Variants in KLC2 observed in about 807,000 individuals in gnomAD.
KLC2 encodes the protein kinesin light chain 2, also known as KLC 2.
A neutral mutation model predicts 75.1 loss-of-function variants in KLC2; 35 were observed. The observed-to-expected ratio is 0.47, with a 90% confidence interval of 0.36 to 0.62. The LOEUF is 0.62. Ranked by LOEUF, KLC2 falls within the 20% of genes least tolerant of loss-of-function variation. The pLI, the probability that KLC2 is intolerant of heterozygous loss-of-function variation, is 0.00. For missense variants in KLC2, 611 were observed against 833.2 expected (o/e 0.73, Z 3.28); for synonymous variants, 314 against 336.7 (o/e 0.93, Z 0.74).
intron 2 of KLC2, chr11:66,261,404 G>A (rs1209676021): frequency 8.7e-6 from 2 of 228,994 alleles, no homozygotes; most frequent in Non-Finnish European, 8.6e-6. Context: ...CCTACTGGCT[G>A]TGGCAGCAGA....
Position 66,258,887 on chromosome 11 carries a change from G to A in KLC2, c.228+65G>A. On this transcript the variant is annotated intron_variant, in intron 2 of 15. Coordinates refer to ENST00000394067, the MANE Select transcript of KLC2 (RefSeq NM_001318734.2). The stretch of plus-strand genomic sequence containing the variant: ...GGGATCGAGCCTTCAAGAGGAATCC[G>A]GTAATGTAGGAGAAGAATCTGAGCA... 8 of 1,097,650 alleles carry A rather than the reference G, an allele frequency of 7.3e-6. No individual in the cohort carries two copies. In the South Asian group the frequency reaches 1.1e-4, roughly 15 times the overall value. The allele number at this position is 1,097,650 out of a possible 1,614,324, so 68.0% of individuals were successfully genotyped here.
intron 1 of KLC2, chr11:66,258,361 G>T (rs1565167168): frequency 1.8e-6 from 1 of 562,690 alleles, no homozygotes; most frequent in Non-Finnish European, 3.2e-6. Flanking sequence ...GGTGGTCTGG[G>T]GCCGAAGCAG....
At position 66,267,545 on chromosome 11, in the gene KLC2, A is replaced by G. The variant is rs1856926831; in HGVS notation, c.*589A>G. 1 of 646,592 alleles carries G rather than the reference A, an allele frequency of 1.5e-6. No homozygotes were observed. The highest frequency in any genetic ancestry group is 1.8e-5 in the African/African-American group (1 of 55,176). 40.1% of individuals were successfully genotyped at this position (646,592 alleles called of 1,614,324 possible). On this transcript the variant is annotated 3_prime_UTR_variant, in exon 16 of 16. Coordinates refer to ENST00000394067, the MANE Select transcript of KLC2 (RefSeq NM_001318734.2). The stretch of plus-strand genomic sequence containing the variant: ...TCGCGCTCCTCCTGGCCTCTGAGGG[A>G]TGCGTCCTACCCGCGCCATCGCCCC...
the KLC2 span, among the ~76,000 whole-genome samples, chr11:66,248,081 A>C: frequency 1.3e-5 from 2 of 152,230 alleles, no homozygotes. Context: ...AAGGTCCGCC[A>C]GAGACTAAAG....
chr11:66,261,349 C>T (rs1856400979), intron 2 of KLC2: 1 of 172,422 alleles, frequency 5.8e-6, no homozygotes, highest in Non-Finnish European at 1.2e-5. Flanking sequence ...AGCCATCTAG[C>T]AGAGTTCTGT....
At chr11:66,264,675 C>T (rs890287595) in intron 9 of KLC2, 1 of 589,540 alleles carries the variant, frequency 1.7e-6, no homozygotes, top group Non-Finnish European at 3.0e-6. Flanking sequence ...CCTTTGCATC[C>T]CCCTTCTCCA....
chr11:66,258,736 G>A lies in KLC2; in HGVS notation c.142G>A (p.Gly48Ser), dbSNP rs777523924. 8 of 1,613,354 alleles carry A rather than the reference G, an allele frequency of 5.0e-6. No individual in the cohort carries two copies. In the Admixed American group the frequency reaches 8.3e-5, roughly 17 times the overall value. Residue 48 changes from glycine to serine, a missense_variant, in exon 2 of 16, where the codon GGC (glycine) becomes AGC (serine). Physicochemically the swap from Gly to Ser is moderately conservative, Grantham distance 56 (BLOSUM62 0). Transcript: ENST00000394067. ...LLAPLVAPEAGEAEPGSQERC... is the reference protein window; with the variant it reads ...LLAPLVAPEASEAEPGSQERC... ...GGCTCCTCTGGTTGCACCTGAGGCC[G>A]GCGAAGCCGAGCCTGGCTCGCAGGA... is the stretch of plus-strand genomic sequence containing the variant.
At position 66,263,138 on chromosome 11, in the gene KLC2, G is replaced by C. The variant is rs1054108388; in HGVS notation, c.752+102G>C. On this transcript the variant is annotated intron_variant, in intron 5 of 15. Coordinates refer to ENST00000394067, the MANE Select transcript of KLC2 (RefSeq NM_001318734.2). ...GGGCCAGGACTCGTGGCCCACCTGCGTGGAGCTGGGCTACAGATGCAAGTA... is the reference window on the plus strand; with the variant it reads ...GGGCCAGGACTCGTGGCCCACCTGCCTGGAGCTGGGCTACAGATGCAAGTA... 3.8e-6 allele frequency: 3 copies of C among 783,850 alleles called. No homozygotes were observed. In the African/African-American group the frequency reaches 5.2e-5, roughly 14 times the overall value. 48.6% of individuals were successfully genotyped at this position (783,850 alleles called of 1,614,324 possible).
intron 9 of KLC2, 42 bp downstream of exon 9, chr11:66,264,486 A>G: frequency 7.2e-7 from 1 of 1,396,272 alleles, no homozygotes; most frequent in East Asian, 2.3e-5. Context: ...CATCCATCCC[A>G]GGCCCACTCT....
chr11:66,265,141 A>G (rs746610118), intron 10 of KLC2, 27 bp from the exon 11 acceptor site: 1 of 1,610,546 alleles, frequency 6.2e-7, no homozygotes, highest in South Asian at 1.1e-5. Flanking sequence ...GCCTGCTCTC[A>G]CTTCTTGTGA....
chr11:66,264,048 C>G lies in KLC2; in HGVS notation c.945C>G (p.Val315=). 2.5e-6 allele frequency: 4 copies of G among 1,608,104 alleles called. No individual in the cohort carries two copies. Among genetic ancestry groups the G allele is most frequent in the Non-Finnish European group, 3.4e-6 (4 of 1,176,848 alleles). Residue 315 remains valine (V), a splice_region_variant and synonymous_variant, in exon 8 of 16, where the codon GTC becomes GTG. Coordinates refer to ENST00000394067, the MANE Select transcript of KLC2 (RefSeq NM_001318734.2). ...CKRALEIREK[V]LGKFHPDVAK... is the part of the protein sequence containing the mutation. ...CCTGGCTCCCTCTCCCATCCCAGGT[C>G]CTGGGCAAGTTTCACCCAGATGTGG... is the stretch of plus-strand genomic sequence containing the variant.
upstream of KLC2, among the ~76,000 whole-genome samples, chr11:66,252,414 C>T (rs575195020): frequency 2.0e-5 from 3 of 151,880 alleles, no homozygotes; most frequent in Non-Finnish European, 2.9e-5. Context: ...GCCTCCCGAG[C>T]CACCATGCCC....
intron 14 of KLC2, 83 bp from the exon 15 acceptor site, chr11:66,266,350 C>T (rs1198757028): frequency 1.3e-6 from 2 of 1,481,530 alleles, no homozygotes; most frequent in African/African-American, 1.4e-5. Context: ...CAGTCTGTTC[C>T]CTCCCCAGCC....
Position 66,267,633 on chromosome 11 carries a change from C to T in KLC2, c.*677C>T. 1 of 595,824 alleles carries T rather than the reference C, an allele frequency of 1.7e-6. No individual in the cohort carries two copies. The highest frequency in any genetic ancestry group is 2.0e-5 in the South Asian group (1 of 50,798). The allele number at this position is 595,824 out of a possible 1,614,324, so 36.9% of individuals were successfully genotyped here. A position where few individuals can be genotyped will look rare whatever the true frequency, so the allele number is the denominator to read the frequency against. ...CCACCGCCGGGCCCTGCCCCGCATC[C>T]CGGCCTTATGCACTGCCCCTCCCAC... On this transcript the variant is annotated 3_prime_UTR_variant, in exon 16 of 16. Coordinates refer to ENST00000394067, the MANE Select transcript of KLC2 (RefSeq NM_001318734.2).
At position 66,267,764 on chromosome 11, in the gene KLC2, TCCCCTGGTGGCAGGAGGGGCTC is replaced by T. The variant is rs1245175115; in HGVS notation, c.*815_*836del. 4.8e-5 allele frequency: 22 copies of T among 458,874 alleles called. No homozygotes were observed. Among genetic ancestry groups the T allele is most frequent in the African/African-American group, 4.5e-4 (22 of 48,768 alleles). The allele number at this position is 458,874 out of a possible 1,614,324, so 28.4% of individuals were successfully genotyped here. A position where few individuals can be genotyped will look rare whatever the true frequency, so the allele number is the denominator to read the frequency against. On this transcript the variant is annotated 3_prime_UTR_variant, in exon 16 of 16. Transcript: ENST00000394067. ...AGCTTCTCGCGAGGGGCGGCGACGG[TCCCCTGGTGGCAGGAGGGGCTC>T]CCCCTGTTGCGGGTGAGGCGGCTGC...
chr11:66,266,348 T>TGCCAA, intron 14 of KLC2, 85 bp from the exon 15 acceptor site: 3 of 1,487,618 alleles, frequency 2.0e-6, no homozygotes, highest in Non-Finnish European at 1.8e-6. Flanking sequence ...ACCAGTCTGT[T>TGCCAA]CCCTCCCCAG....
rs1396135823 is a variant in KLC2 at position 66,266,225 on chromosome 11, C to G, written c.1727+8C>G. The G allele has an allele frequency of 1.9e-6, 3 of 1,595,250 alleles. No homozygotes were observed. In the African/African-American group the frequency reaches 4.0e-5, roughly 21 times the overall value. ...GGAGCCCCCTAACCCCAGGTGAGCC[C>G]CCCACCAAGGTGAGCCTCAAGAACC... On this transcript the variant is annotated splice_region_variant and intron_variant, in intron 14 of 15. Coordinates refer to ENST00000394067, the MANE Select transcript of KLC2 (RefSeq NM_001318734.2).
the KLC2 span, among the ~76,000 whole-genome samples, chr11:66,245,892 A>G: frequency 6.6e-6 from 1 of 152,218 alleles, no homozygotes; most frequent in Non-Finnish European, 1.5e-5. Flanking sequence ...AAAAAAGAGA[A>G]GTGTCCAGAG....
chr11:66,265,207 A>G lies in KLC2; in HGVS notation c.1306A>G (p.Ser436Gly), dbSNP rs756963769. Residue 436 changes from serine (S) to glycine (G), a missense_variant, in exon 11 of 16, where the codon AGC becomes GGC. Coordinates refer to ENST00000394067, the MANE Select transcript of KLC2 (RefSeq NM_001318734.2). Reference sequence around the variant, plus strand: ...CAGCGCCCCCTATGGGGAATACGGCAGCTGGTACAAGGCCTGTAAAGTAGA... The same window carrying G: ...CAGCGCCCCCTATGGGGAATACGGCGGCTGGTACAAGGCCTGTAAAGTAGA... ...RDSAPYGEYG[S>G]WYKACKVDSP... 4 of 1,540,770 alleles carry G rather than the reference A, an allele frequency of 2.6e-6. No homozygotes were observed. The South Asian group carries it at 3.3e-5, about 13-fold the overall frequency.
Sources: gnomAD v4.1 joint callset for allele counts (sites outside exome capture counted in the v4.1 genomes callset) on GRCh38, gnomAD v4.1.1 for gene constraint, MANE v1.5 for transcripts, NCBI Gene and HGNC (gene_info 2026-07-23, HGNC 2026-07-21) for gene names.